Variants in ZMYND8 observed in about 807,000 individuals in gnomAD.
ZMYND8 encodes the protein MYND-type zinc finger-containing chromatin reader ZMYND8.
ZMYND8 carries 37 observed loss-of-function variants against 140.8 expected under a neutral mutation model. The observed-to-expected ratio is 0.26, with a 90% CI of 0.20 to 0.35. The LOEUF (loss-of-function observed/expected upper bound fraction) is 0.35. Ranked by LOEUF, ZMYND8 falls within the 10% of genes least tolerant of loss-of-function variation. The pLI is 1.00. For missense variants in ZMYND8, 1,068 were observed against 1,570.0 expected, an observed-to-expected ratio of 0.68 and a Z score of 5.40; for synonymous variants, 592 against 597.1, an observed-to-expected ratio of 0.99 and a Z score of 0.12.
intron 2 of ZMYND8, among the ~76,000 whole-genome samples, chr20:47,336,998 A>G (rs893213728): frequency 3.7e-4 from 56 of 152,152 alleles, no homozygotes; most frequent in African/African-American, 1.3e-3. Context: ...GGTTAAGTAC[A>G]AAGGTTTAAA....
chr20:47,221,696 TCG>T (rs1448744626), intron 19 of ZMYND8, among the ~76,000 whole-genome samples: 12 of 152,332 alleles, frequency 7.9e-5, no homozygotes, highest in Non-Finnish European at 1.5e-4. Flanking sequence ...AGATGGAGTC[TCG>T]CTCTGTCAGC....
intron 12 of ZMYND8, among the ~76,000 whole-genome samples, chr20:47,262,080 A>T (rs2147557219): frequency 6.6e-6 from 1 of 152,308 alleles, no homozygotes; most frequent in African/African-American, 2.4e-5. Flanking sequence ...TCAAAAAAAA[A>T]AAAGTAATTT....
rs6094637 is a variant in ZMYND8 at position 47,256,765 on chromosome 20, G to A, written c.1621+5523C>T. On this transcript the variant is annotated intron_variant, in intron 12 of 22. Coordinates refer to ENST00000471951, the MANE Select transcript of ZMYND8 (RefSeq NM_001281775.3). The stretch of plus-strand genomic sequence containing the variant: ...CCATGTATGCTCTCAAAGAAAGCCC[G>A]ACTTCCAAGATACCGCTTTATGCAC... Among the ~76,000 whole-genome samples the A allele has an allele frequency of 3.8e-3, 574 of 152,164 alleles. 7 individuals are homozygous for A. Among genetic ancestry groups the A allele is most frequent in the African/African-American group, 0.013 (551 of 41,502 alleles).
Position 47,347,748 on chromosome 20 carries a change from T to C in ZMYND8, c.85+108A>G, listed in dbSNP as rs1473314055. Reference sequence around the variant, plus strand: ...CTTATATCTGAAAATCCAAGAAGAGTTACAACGTCGGCTCAGAGAGCCACA... The same window carrying C: ...CTTATATCTGAAAATCCAAGAAGAGCTACAACGTCGGCTCAGAGAGCCACA... On this transcript the variant is annotated intron_variant, in intron 2 of 22. Coordinates refer to ENST00000471951, the MANE Select transcript of ZMYND8 (RefSeq NM_001281775.3). The C allele has an allele frequency of 5.7e-6, 6 of 1,052,992 alleles. 1 individual carries two copies. Among genetic ancestry groups the C allele is most frequent in the Non-Finnish European group, 8.5e-6 (6 of 708,690 alleles). The allele number at this position is 1,052,992 out of a possible 1,614,324, so 65.2% of individuals were successfully genotyped here.
At chr20:47,295,502 T>C (rs2077580856) in intron 4 of ZMYND8, among the ~76,000 whole-genome samples, 1 of 152,248 alleles carries the variant, frequency 6.6e-6, no homozygotes, top group Non-Finnish European at 1.5e-5. Context: ...CTTAAGGTTC[T>C]GGGCTGTCAT....
At chr20:47,241,819 C>CTT (rs536750853) in intron 14 of ZMYND8, among the ~76,000 whole-genome samples, 19 of 137,886 alleles carry the variant, frequency 1.4e-4, no homozygotes, top group South Asian at 4.6e-4. Flanking sequence ...TTTTTCTTTT[C>CTT]TTTTTTTTTT....
chr20:47,263,719 C>T (rs2075310370), intron 11 of ZMYND8, among the ~76,000 whole-genome samples: 1 of 152,188 alleles, frequency 6.6e-6, no homozygotes, highest in Admixed American at 6.5e-5. Context: ...CCTCCCTCTT[C>T]CTGGCAGCAG....
intron 14 of ZMYND8, among the ~76,000 whole-genome samples, chr20:47,241,504 T>C (rs990304709): frequency 2.0e-5 from 3 of 151,996 alleles, no homozygotes; most frequent in Admixed American, 6.6e-5. Context: ...GGGAACAGCA[T>C]CAGCCAAGAT....
chr20:47,293,153 AGGGAGGGAGGGAGGG>A (rs1569119116), intron 5 of ZMYND8, among the ~76,000 whole-genome samples: 47 of 47,686 alleles, frequency 9.9e-4, no homozygotes, highest in African/African-American at 4.2e-3. Flanking sequence ...GAAGGAAGGG[AGGGAGGGAGGGAGGG>A]AGGGAGGGAG....
Position 47,265,218 on chromosome 20 carries a change from G to C in ZMYND8, c.1481-2790C>G, listed in dbSNP as rs552013928. Among the ~76,000 whole-genome samples the C allele has an allele frequency of 2.0e-5, 3 of 152,028 alleles. No individual in the cohort carries two copies. In the South Asian group the frequency reaches 6.2e-4, roughly 32 times the overall value. On this transcript the variant is annotated intron_variant, in intron 11 of 22. Coordinates refer to ENST00000471951, the MANE Select transcript of ZMYND8 (RefSeq NM_001281775.3). ...TTCCCCTTGAGGATTAAAGACCGGGGCTTCTCTAATTGTATTCCCATAAGC... is the reference window on the plus strand; with the variant it reads ...TTCCCCTTGAGGATTAAAGACCGGGCCTTCTCTAATTGTATTCCCATAAGC...
rs148354258 is a variant in ZMYND8, at chr20:47,333,096, C to T, written c.85+14760G>A. Among the ~76,000 whole-genome samples the T allele has an allele frequency of 5.7e-3, 863 of 152,178 alleles. 9 individuals are homozygous for T. The highest frequency in any genetic ancestry group is 0.02 in the African/African-American group (826 of 41,528). On this transcript the variant is annotated intron_variant, in intron 2 of 22. Transcript: ENST00000471951. ...ACACAGTGGCTCATGCCTGTAATCC[C>T]AACACTTCAGGAGACTAAGGCCAGA...
At position 47,240,957 on chromosome 20, in the gene ZMYND8, T is replaced by C. The variant is rs530532911; in HGVS notation, c.2285-1819A>G. 2.3e-4 allele frequency among the ~76,000 whole-genome samples: 35 copies of C among 152,304 alleles called. 1 individual carries two copies. The highest frequency in any genetic ancestry group is 7.7e-4 in the African/African-American group (32 of 41,572). ...CGAATAGCTGGGACTACACGGGACG[T>C]GCTACTGTGTCCCGCTTTAAATGAG... On this transcript the variant is annotated intron_variant, in intron 14 of 22. Coordinates refer to ENST00000471951, the MANE Select transcript of ZMYND8 (RefSeq NM_001281775.3).
intron 22 of ZMYND8, among the ~76,000 whole-genome samples, chr20:47,212,084 T>A (rs1040578): frequency 1.3e-5 from 2 of 152,220 alleles, no homozygotes; most frequent in East Asian, 1.9e-4. Context: ...TTAGCCGCCA[T>A]GCCTATGCTT....
At chr20:47,314,153 A>G (rs1260009169) in intron 2 of ZMYND8, among the ~76,000 whole-genome samples, 1 of 151,884 alleles carries the variant, frequency 6.6e-6, no homozygotes, top group Non-Finnish European at 1.5e-5. Context: ...ATTATTTTCC[A>G]CTCTATACCC....
intron 2 of ZMYND8, among the ~76,000 whole-genome samples, chr20:47,335,401 T>C (rs2148487406): frequency 6.6e-6 from 1 of 152,132 alleles, no homozygotes; most frequent in South Asian, 2.1e-4. Context: ...AGGGGGCTTA[T>C]TATCATTCCA....
intron 14 of ZMYND8, 44 bp downstream of exon 14, chr20:47,245,964 T>C (rs2040519564): frequency 1.3e-6 from 2 of 1,538,876 alleles, no homozygotes; most frequent in African/African-American, 2.8e-5. Flanking sequence ...GAGGTAGGAT[T>C]CTAAACCAAA....
At chr20:47,321,110 T>C (rs1343229289) in intron 2 of ZMYND8, among the ~76,000 whole-genome samples, 1 of 152,182 alleles carries the variant, frequency 6.6e-6, no homozygotes, top group Non-Finnish European at 1.5e-5. Context: ...TGTTTACATA[T>C]TTAACGAAGG....
In ZMYND8 at chr20:47,271,934, C is replaced by T. The variant is rs185830872; in HGVS notation, c.1480+4380G>A. On this transcript the variant is annotated intron_variant, in intron 11 of 22. Transcript: ENST00000471951. ...CTGACCTCAAGTGATCCGCCCACCT[C>T]GGCCTCCCAAAGTGCTGGAATTACA... 4.3e-3 allele frequency among the ~76,000 whole-genome samples: 648 copies of T among 151,846 alleles called. 4 individuals are homozygous for T. Among genetic ancestry groups the T allele is most frequent in the African/African-American group, 7.1e-3 (295 of 41,426 alleles).
chr20:47,221,289 G>A, intron 20 of ZMYND8, 25 bp downstream of exon 20: 5 of 1,612,818 alleles, frequency 3.1e-6, no homozygotes, highest in Non-Finnish European at 4.2e-6. Flanking sequence ...GATGTCACTA[G>A]CCAAAGGCAT....
Sources: allele counts gnomAD v4.1 joint callset (sites outside exome capture counted in the v4.1 genomes callset), GRCh38; gene constraint gnomAD v4.1.1; transcripts MANE v1.5; gene names NCBI Gene and HGNC (gene_info 2026-07-23, HGNC 2026-07-21).